ARHGAP29: variants seen among roughly 807,000 people sequenced by gnomAD.
ARHGAP29 encodes the protein Rho GTPase activating protein 29.
A neutral mutation model predicts 122.6 loss-of-function variants in ARHGAP29; 43 were observed. The ratio of observed to expected loss-of-function variants is 0.35; its 90% CI spans 0.27 to 0.45. ARHGAP29 has a LOEUF of 0.45. Among genes scored for constraint, ARHGAP29 ranks in the 20% least tolerant of loss-of-function variants. ARHGAP29 has a pLI of 1.00. For missense variants in ARHGAP29, 1,303 were observed against 1,477.2 expected, an observed-to-expected ratio of 0.88 and a Z score of 1.93; for synonymous variants, 506 against 497.1, an observed-to-expected ratio of 1.02 and a Z score of -0.24.
intron 3 of ARHGAP29, among the ~76,000 whole-genome samples, chr1:94,214,955 T>C (rs1244945503): frequency 1.3e-5 from 2 of 152,242 alleles, no homozygotes; most frequent in South Asian, 4.1e-4. Flanking sequence ...AAGTTTTATG[T>C]AATGAGTGTT....
At chr1:94,263,867 C>T (rs537421721) in intron 1 of ARHGAP29, among the ~76,000 whole-genome samples, 7 of 152,268 alleles carry the variant, frequency 4.6e-5, no homozygotes, top group Middle Eastern at 3.4e-3. Context: ...CATGATTTAA[C>T]GTGGCCACAT....
chr1:94,211,346 A>G lies in ARHGAP29; in HGVS notation c.341-1996T>C, dbSNP rs142180819. ...ACAATTCCATATATTTATGTACCTA[A>G]TAAACAGAGCTTTAAAATACTGAAA... is the stretch of plus-strand genomic sequence containing the variant. On this transcript the variant is annotated intron_variant, in intron 3 of 22. Transcript: ENST00000260526. Among the ~76,000 whole-genome samples the G allele has an allele frequency of 8.5e-4, 128 of 150,642 alleles. 2 individuals carry two copies. The highest frequency in any genetic ancestry group is 2.9e-3 in the African/African-American group (118 of 40,994).
chr1:94,260,285 G>C (rs1654509985), intron 1 of ARHGAP29, among the ~76,000 whole-genome samples: 1 of 152,142 alleles, frequency 6.6e-6, no homozygotes, highest in Admixed American at 6.5e-5. Context: ...AACCAAACCA[G>C]CTTTCGTTTC....
chr1:94,230,821 A>G (rs1258325079), intron 2 of ARHGAP29, among the ~76,000 whole-genome samples: 1 of 151,926 alleles, frequency 6.6e-6, no homozygotes. Flanking sequence ...AGAACAAGTC[A>G]GAGATATACA....
At chr1:94,217,596 T>C (rs1652026511) in intron 3 of ARHGAP29, among the ~76,000 whole-genome samples, 2 of 151,902 alleles carry the variant, frequency 1.3e-5, no homozygotes, top group Non-Finnish European at 2.9e-5. Context: ...CCCAGCATTT[T>C]AGAGGCCAAG....
chr1:94,237,977 C>G (rs140139073), upstream of ARHGAP29, among the ~76,000 whole-genome samples: 7 of 151,468 alleles, frequency 4.6e-5, no homozygotes, highest in Admixed American at 1.3e-4. Context: ...GAAGAATGAA[C>G]TACCTCAAAA....
chr1:94,210,901 AT>A (rs1430772752), intron 3 of ARHGAP29, among the ~76,000 whole-genome samples: 2 of 18,556 alleles, frequency 1.1e-4, no homozygotes, highest in Admixed American at 2.3e-3. Flanking sequence ...TCTGTTTCTT[AT>A]TTAAAAAAAA....
At chr1:94,194,030 C>T (rs921275722) in intron 12 of ARHGAP29, 3 of 152,248 alleles carry the variant, frequency 2.0e-5, no homozygotes, top group East Asian at 1.9e-4. Flanking sequence ...GGTGGTGATG[C>T]TTCTGTGTTC....
At chr1:94,302,281 G>A in the ARHGAP29 span, 21 of 247,156 alleles carry the variant, frequency 8.5e-5, no homozygotes, top group Non-Finnish European at 1.5e-4. Context: ...AATCACACAG[G>A]GTGACGCTGG....
At chr1:94,288,182 C>T in the ARHGAP29 span, among the ~76,000 whole-genome samples, 1 of 152,128 alleles carries the variant, frequency 6.6e-6, no homozygotes, top group Admixed American at 6.6e-5. Context: ...TTTTAATGAT[C>T]GCATTTCTAA....
chr1:94,241,720 TATATA>T (rs1248259332), upstream of ARHGAP29, among the ~76,000 whole-genome samples: 117 of 9,038 alleles, frequency 0.013, 1 homozygote, highest in East Asian at 0.056. Flanking sequence ...ATATAATTTA[TATATA>T]ATATATATTT....
the ARHGAP29 span, among the ~76,000 whole-genome samples, chr1:94,309,203 C>T: frequency 6.6e-6 from 1 of 152,224 alleles, no homozygotes; most frequent in Admixed American, 6.5e-5. Context: ...ATTTCATAGT[C>T]ACAACAAACT....
the ARHGAP29 span, among the ~76,000 whole-genome samples, chr1:94,303,487 G>A: frequency 2.0e-5 from 3 of 152,124 alleles, no homozygotes; most frequent in South Asian, 2.1e-4. Context: ...GGAGATGGAC[G>A]GTGGTGATGG....
upstream of ARHGAP29, among the ~76,000 whole-genome samples, chr1:94,278,200 T>A (rs994707296): frequency 1.6e-4 from 25 of 152,018 alleles, no homozygotes; most frequent in African/African-American, 6.0e-4. Context: ...ACAGTTGTAG[T>A]CCTAGCTACC....
intron 1 of ARHGAP29, among the ~76,000 whole-genome samples, chr1:94,261,443 A>C (rs1240315423): frequency 6.6e-6 from 1 of 152,160 alleles, no homozygotes; most frequent in Non-Finnish European, 1.5e-5. Context: ...AATTAAGACG[A>C]TTTTGTAGTT....
At chr1:94,231,299 T>C (rs1263281352) in intron 2 of ARHGAP29, 108 bp downstream of exon 2, 11 of 860,040 alleles carry the variant, frequency 1.3e-5, no homozygotes, top group Non-Finnish European at 2.0e-5. Context: ...CTAAAATAAC[T>C]AAAGCAGAAT....
chr1:94,283,539 C>T, the ARHGAP29 span, among the ~76,000 whole-genome samples: 2 of 152,182 alleles, frequency 1.3e-5, no homozygotes, highest in African/African-American at 2.4e-5. Context: ...GAACTAGAAT[C>T]GATTACCTCA....
chr1:94,280,595 T>C, the ARHGAP29 span, among the ~76,000 whole-genome samples: 9 of 152,096 alleles, frequency 5.9e-5, no homozygotes, highest in Admixed American at 5.9e-4. Context: ...TGGCAGAACA[T>C]AGTAAAGAAC....
chr1:94,177,695 C>T lies in ARHGAP29; in HGVS notation c.2822G>A (p.Ser941Asn). Residue 941 changes from serine to asparagine, a missense_variant, in exon 22 of 23, where the codon AGC (serine) becomes AAC (asparagine). Physicochemically the swap from Ser to Asn is conservative, Grantham distance 46. Around this residue, in one of 3 missense-constraint regions of ARHGAP29, gnomAD observed 620 missense variants for 651.2 expected, o/e 0.95. Transcript: ENST00000260526. ...KEDIHTSESE[S>N]KIFERATSFE... ...TGATGTAGCTCGTTCAAAAATTTTG[C>T]TTTCACTCTCTGAAGTATGGATATC... 6.2e-7 allele frequency: 1 copy of T among 1,612,668 alleles called. No individual in the cohort carries two copies. The highest frequency in any genetic ancestry group is 8.5e-7 in the Non-Finnish European group (1 of 1,179,694).
Sources: allele counts gnomAD v4.1 joint callset (sites outside exome capture counted in the v4.1 genomes callset), GRCh38; gene constraint gnomAD v4.1.1; regional missense constraint gnomAD v4.1.1; transcripts MANE v1.5; gene names NCBI Gene and HGNC (gene_info 2026-07-23, HGNC 2026-07-21).